The following KIAA1217 variants were observed in gnomAD, a reference collection of about 807,000 sequenced individuals.
KIAA1217 encodes KIAA1217, also known as sickle tail protein homolog.
Under a neutral mutation model 163.9 loss-of-function variants are expected in KIAA1217, and 88 were observed. The ratio of observed to expected loss-of-function variants is 0.54; its 90% CI spans 0.45 to 0.64. The LOEUF (loss-of-function observed/expected upper bound fraction) is 0.64, where lower values mean the gene tolerates loss of function less well. Among genes scored for constraint, KIAA1217 ranks in the 30% least tolerant of loss-of-function variants. The pLI is 0.00. For missense variants in KIAA1217, 2,372 were observed against 2,475.0 expected (o/e 0.96, Z 0.88); for synonymous variants, 903 against 923.1 (o/e 0.98, Z 0.39).
intron 2 of KIAA1217, among the ~76,000 whole-genome samples, chr10:24,186,457 C>A (rs1467708460): frequency 6.6e-6 from 1 of 152,152 alleles, no homozygotes; most frequent in African/African-American, 2.4e-5. Flanking sequence ...TTCCATGTGT[C>A]AACTCATGTC....
chr10:24,346,389 A>G (rs930400191), intron 2 of KIAA1217, among the ~76,000 whole-genome samples: 5 of 151,560 alleles, frequency 3.3e-5, no homozygotes, highest in Non-Finnish European at 5.9e-5. Flanking sequence ...GGAGAATGGC[A>G]TGAACCCAGG....
At chr10:23,706,222 C>A (rs778746310) in intron 1 of KIAA1217, among the ~76,000 whole-genome samples, 1 of 152,040 alleles carries the variant, frequency 6.6e-6, no homozygotes, top group Non-Finnish European at 1.5e-5. Flanking sequence ...TTATTTATTT[C>A]TTTCTAATCT....
At chr10:23,896,947 A>G (rs891882714) in intron 1 of KIAA1217, among the ~76,000 whole-genome samples, 1 of 152,028 alleles carries the variant, frequency 6.6e-6, no homozygotes, top group African/African-American at 2.4e-5. Context: ...CTTCTTTGAG[A>G]TATTGGCTGG....
intron 6 of KIAA1217, among the ~76,000 whole-genome samples, chr10:24,476,054 A>G (rs1341968938): frequency 2.0e-5 from 3 of 152,208 alleles, no homozygotes; most frequent in Non-Finnish European, 4.4e-5. Context: ...CCATGACCAT[A>G]TTGAACTGTT....
intron 2 of KIAA1217, chr10:24,368,902 A>C (rs1356867230): frequency 1.0e-6 from 1 of 963,524 alleles, no homozygotes; most frequent in Admixed American, 6.2e-5. Context: ...GTCCCATGCA[A>C]CATTTTTCCA....
intron 2 of KIAA1217, among the ~76,000 whole-genome samples, chr10:24,059,258 G>A (rs2060632178): frequency 6.6e-6 from 1 of 152,032 alleles, no homozygotes; most frequent in African/African-American, 2.4e-5. Context: ...TCCTTTTAGT[G>A]TGGTGTTGAA....
intron 1 of KIAA1217, among the ~76,000 whole-genome samples, chr10:23,907,478 G>T (rs899674043): frequency 6.6e-6 from 1 of 152,068 alleles, no homozygotes; most frequent in Non-Finnish European, 1.5e-5. Flanking sequence ...AAAGCCAGTG[G>T]TATAATTCAG....
chr10:23,961,751 T>C (rs890381539), intron 1 of KIAA1217, among the ~76,000 whole-genome samples: 15 of 152,142 alleles, frequency 9.9e-5, no homozygotes, highest in African/African-American at 1.2e-4. Flanking sequence ...AGCAGAAACA[T>C]ATCATCTCAC....
chr10:24,098,760 T>TGTGTGTGTG (rs1554865618), intron 2 of KIAA1217, among the ~76,000 whole-genome samples: 19 of 146,914 alleles, frequency 1.3e-4, no homozygotes, highest in African/African-American at 3.6e-4. Flanking sequence ...TGTGTGTGTG[T>TGTGTGTGTG]TAGAGAGAGA....
intron 17 of KIAA1217, among the ~76,000 whole-genome samples, chr10:24,538,038 A>G (rs193224942): frequency 3.9e-5 from 6 of 152,348 alleles, no homozygotes; most frequent in African/African-American, 1.4e-4. Flanking sequence ...CAGAATTCAA[A>G]GATTCTAGCT....
At chr10:24,012,699 A>C (rs1195211339) in intron 2 of KIAA1217, among the ~76,000 whole-genome samples, 1 of 152,188 alleles carries the variant, frequency 6.6e-6, no homozygotes, top group Non-Finnish European at 1.5e-5. Flanking sequence ...AGGAAGCTGG[A>C]ATATAATGCC....
At chr10:23,842,113 C>T (rs1306495731) in intron 1 of KIAA1217, among the ~76,000 whole-genome samples, 3 of 152,130 alleles carry the variant, frequency 2.0e-5, no homozygotes, top group Non-Finnish European at 4.4e-5. Context: ...GATGATCTGC[C>T]TGCCTTGGCA....
intron 2 of KIAA1217, among the ~76,000 whole-genome samples, chr10:24,275,001 A>G (rs767873071): frequency 1.1e-4 from 16 of 152,152 alleles, no homozygotes; most frequent in Middle Eastern, 6.3e-3. Flanking sequence ...GCAGTGACAC[A>G]ATCACAACTC....
chr10:24,013,162 T>C (rs911738271), intron 2 of KIAA1217, among the ~76,000 whole-genome samples: 1 of 152,080 alleles, frequency 6.6e-6, no homozygotes, highest in Non-Finnish European at 1.5e-5. Context: ...TTTCACTGTT[T>C]AAAAATGGCG....
At chr10:24,182,677 T>C (rs1177033811) in intron 2 of KIAA1217, among the ~76,000 whole-genome samples, 2 of 152,190 alleles carry the variant, frequency 1.3e-5, no homozygotes, top group Admixed American at 1.3e-4. Context: ...TAATGTAGTA[T>C]ATTAATCAGT....
chr10:24,226,230 T>C (rs918088373), intron 2 of KIAA1217, among the ~76,000 whole-genome samples: 5 of 152,086 alleles, frequency 3.3e-5, no homozygotes, highest in African/African-American at 7.2e-5. Flanking sequence ...TTCTTAAAGG[T>C]TTTCTTCCAC....
At chr10:24,065,450 G>T (rs528967306) in intron 2 of KIAA1217, among the ~76,000 whole-genome samples, 4,095 of 152,254 alleles carry the variant, frequency 0.027, 177 homozygotes, top group African/African-American at 0.095. Flanking sequence ...TAGTTGAGCG[G>T]TTTTGAGTGA....
At chr10:23,930,111 T>C (rs939408950) in intron 1 of KIAA1217, among the ~76,000 whole-genome samples, 1 of 152,182 alleles carries the variant, frequency 6.6e-6, no homozygotes, top group Admixed American at 6.5e-5. Context: ...CTCATTGTGG[T>C]TTTAATTTGC....
Position 24,388,737 on chromosome 10 carries a change from C to T in KIAA1217, c.553+7670C>T, listed in dbSNP as rs11014075. On this transcript the variant is annotated intron_variant, in intron 3 of 20. Coordinates refer to ENST00000376454, the MANE Select transcript of KIAA1217 (RefSeq NM_019590.5). ...AGAAAAAATCAAACTCTTCAACAAG[C>T]GGGCGAAGGATATGAACAGACACTT... 9.2e-4 allele frequency among the ~76,000 whole-genome samples: 140 copies of T among 151,892 alleles called. 1 individual carries two copies. The East Asian group carries it at 0.015, about 16-fold the overall frequency.
Sources: allele counts gnomAD v4.1 joint callset (sites outside exome capture counted in the v4.1 genomes callset), GRCh38; gene constraint gnomAD v4.1.1; transcripts MANE v1.5; gene names NCBI Gene and HGNC (gene_info 2026-07-23, HGNC 2026-07-21).